SCAPER: variants seen among roughly 807,000 people sequenced by gnomAD.
SCAPER encodes the protein S phase cyclin A-associated protein in the endoplasmic reticulum.
A neutral mutation model predicts 182.2 loss-of-function variants in SCAPER; 98 were observed. The ratio of observed to expected loss-of-function variants is 0.54; its 90% confidence interval spans 0.46 to 0.64. The LOEUF is 0.64. SCAPER is among the 30% of genes least tolerant of loss of function. SCAPER has a pLI of 0.00. For missense variants in SCAPER, 1,432 were observed against 1,690.0 expected, an observed-to-expected ratio of 0.85 and a Z score of 2.68; for synonymous variants, 605 against 564.6, an observed-to-expected ratio of 1.07 and a Z score of -1.01.
intron 20 of SCAPER, among the ~76,000 whole-genome samples, chr15:76,693,817 AG>A (rs2058508602): frequency 1.3e-5 from 2 of 152,108 alleles, no homozygotes; most frequent in African/African-American, 4.8e-5. Context: ...AGTGATCACC[AG>A]GGTCTGGAGG....
At chr15:76,820,562 G>T (rs1212176867) in intron 5 of SCAPER, among the ~76,000 whole-genome samples, 1 of 146,090 alleles carries the variant, frequency 6.8e-6, no homozygotes, top group African/African-American at 2.6e-5. Flanking sequence ...ACACAGGAAG[G>T]GGAACATCAC....
At chr15:76,652,781 G>A (rs1337159285) in intron 21 of SCAPER, among the ~76,000 whole-genome samples, 3 of 151,878 alleles carry the variant, frequency 2.0e-5, no homozygotes, top group Admixed American at 6.6e-5. Context: ...TACTGAAGGT[G>A]CAAAAGCTAG....
chr15:76,769,972 A>G (rs1039956714), intron 10 of SCAPER, among the ~76,000 whole-genome samples: 3 of 152,218 alleles, frequency 2.0e-5, no homozygotes, highest in African/African-American at 7.2e-5. Flanking sequence ...CATCAATGAT[A>G]GACTGGATTA....
intron 25 of SCAPER, among the ~76,000 whole-genome samples, chr15:76,439,087 ATT>A (rs547381211): frequency 6.8e-6 from 1 of 146,862 alleles, no homozygotes. Flanking sequence ...AGACAAAATG[ATT>A]TTTTTTTTTT....
At chr15:76,703,251 T>G (rs143152829) in intron 18 of SCAPER, among the ~76,000 whole-genome samples, 86 of 152,302 alleles carry the variant, frequency 5.6e-4, no homozygotes, top group African/African-American at 2.1e-3. Flanking sequence ...TCAAATAAAT[T>G]TGGAAAACAG....
intron 27 of SCAPER, among the ~76,000 whole-genome samples, chr15:76,387,036 T>C (rs1333938879): frequency 2.0e-5 from 3 of 152,150 alleles, no homozygotes; most frequent in Admixed American, 6.5e-5. Context: ...TGAGAAATAA[T>C]GGTATATGAA....
At chr15:76,443,390 G>C (rs561920223) in intron 25 of SCAPER, among the ~76,000 whole-genome samples, 216 of 152,258 alleles carry the variant, frequency 1.4e-3, no homozygotes, top group Middle Eastern at 0.01. Flanking sequence ...ATTGAAGCAA[G>C]AACAAACATC....
chr15:76,565,795 G>C (rs1031872684), intron 23 of SCAPER, among the ~76,000 whole-genome samples: 6 of 151,890 alleles, frequency 4.0e-5, no homozygotes, highest in African/African-American at 1.5e-4. Flanking sequence ...CTTTATAGTA[G>C]TCTTCCAAGG....
At chr15:76,708,920 G>A (rs911381152) in intron 17 of SCAPER, among the ~76,000 whole-genome samples, 6 of 151,992 alleles carry the variant, frequency 3.9e-5, no homozygotes, top group African/African-American at 1.2e-4. Flanking sequence ...ACAAAAATCA[G>A]CCAGGAGTGG....
chr15:76,697,022 G>A (rs2058688460), intron 20 of SCAPER, among the ~76,000 whole-genome samples: 2 of 152,130 alleles, frequency 1.3e-5, no homozygotes, highest in South Asian at 4.1e-4. Flanking sequence ...TCAAGAGTAA[G>A]TTATCTGAGA....
chr15:76,358,730 G>T (rs945272523), intron 29 of SCAPER, among the ~76,000 whole-genome samples: 5 of 152,196 alleles, frequency 3.3e-5, no homozygotes, highest in African/African-American at 1.2e-4. Flanking sequence ...TTTAACATAT[G>T]AATTCTGGGA....
rs1168468625 is a variant in SCAPER at position 76,404,574 on chromosome 15, G to A, written c.3417C>T (p.Ala1139=). Reference sequence around the variant, plus strand: ...TACACATTGCATGTAAGAGTCCTGCGGCATGCTGCAGAAATATGGCCATCT... The same window carrying A: ...TACACATTGCATGTAAGAGTCCTGCAGCATGCTGCAGAAATATGGCCATCT... The part of the protein sequence containing the change: ...NPKMAIFLQH[A]AGLLHAMCTL... The change falls in exon 27 of 32, where the codon GCC becomes GCT. Residue 1139 remains alanine (A), a synonymous_variant. Coordinates refer to ENST00000563290, the MANE Select transcript of SCAPER (RefSeq NM_020843.4). 2.5e-6 allele frequency: 4 copies of A among 1,613,194 alleles called. No homozygotes were observed. The highest frequency in any genetic ancestry group is 2.2e-5 in the East Asian group (1 of 44,894).
intron 5 of SCAPER, among the ~76,000 whole-genome samples, chr15:76,825,960 G>T (rs182483913): frequency 1.2e-4 from 18 of 152,214 alleles, no homozygotes; most frequent in Non-Finnish European, 1.5e-4. Flanking sequence ...GGTCAGGCTG[G>T]TCTCGAACTC....
At chr15:76,748,254 T>C (rs773374113) in intron 15 of SCAPER, among the ~76,000 whole-genome samples, 11 of 152,046 alleles carry the variant, frequency 7.2e-5, no homozygotes, top group Non-Finnish European at 1.3e-4. Flanking sequence ...CCTCCCAAAG[T>C]GCTGGGATTA....
intron 24 of SCAPER, among the ~76,000 whole-genome samples, chr15:76,483,303 A>G (rs1205077135): frequency 6.6e-6 from 1 of 151,972 alleles, no homozygotes; most frequent in African/African-American, 2.4e-5. Context: ...TGCAAAAAAA[A>G]AAAAAAAATC....
At chr15:76,850,918 G>A (rs1023044979) in intron 4 of SCAPER, among the ~76,000 whole-genome samples, 6 of 147,642 alleles carry the variant, frequency 4.1e-5, no homozygotes, top group South Asian at 4.4e-4. Flanking sequence ...ATAGATCATC[G>A]AGATTCAGGA....
intron 24 of SCAPER, among the ~76,000 whole-genome samples, chr15:76,487,822 C>A (rs1166324362): frequency 2.0e-5 from 3 of 152,094 alleles, no homozygotes; most frequent in African/African-American, 7.2e-5. Context: ...GACTTAACTC[C>A]ACTAGTCTTT....
chr15:76,714,909 C>T (rs1011226987), intron 17 of SCAPER, among the ~76,000 whole-genome samples: 39 of 151,862 alleles, frequency 2.6e-4, no homozygotes, highest in Non-Finnish European at 3.5e-4. Context: ...ACCACATTAA[C>T]GGATTAAAGG....
intron 21 of SCAPER, among the ~76,000 whole-genome samples, chr15:76,657,778 A>G (rs1287631694): frequency 2.0e-5 from 3 of 152,112 alleles, no homozygotes; most frequent in Non-Finnish European, 4.4e-5. Context: ...AAATCAATAT[A>G]TAGGATTCAT....
Sources: allele counts gnomAD v4.1 joint callset (sites outside exome capture counted in the v4.1 genomes callset), GRCh38; gene constraint gnomAD v4.1.1; transcripts MANE v1.5; gene names NCBI Gene and HGNC (gene_info 2026-07-23, HGNC 2026-07-21).